AFF3: variants seen among roughly 807,000 people sequenced by gnomAD.
AFF3 encodes AF4/FMR2 family member 3.
In AFF3, 32 loss-of-function variants were observed where a neutral mutation model predicts 129.7. That is an observed-to-expected ratio of 0.25 (90% CI 0.19 to 0.33). The LOEUF (loss-of-function observed/expected upper bound fraction) is 0.33. Ranked by LOEUF, AFF3 falls within the 10% of genes least tolerant of loss-of-function variation. The probability of loss-of-function intolerance (pLI) is 1.00; values close to 1 mark genes in which losing one functional copy is unlikely to be tolerated. For synonymous variants in AFF3, 644 were observed against 635.4 expected (o/e 1.01, Z -0.20); for missense variants, 1,373 against 1,592.0 (o/e 0.86, Z 2.34).
At position 100,007,133 on chromosome 2, in the gene AFF3, T is replaced by C; in HGVS notation, c.487+15A>G. The C allele has an allele frequency of 1.9e-6, 3 of 1,612,654 alleles. No homozygotes were observed. The highest frequency in any genetic ancestry group is 2.5e-6 in the Non-Finnish European group (3 of 1,179,134). On this transcript the variant is annotated intron_variant, in intron 6 of 24. Transcript: ENST00000672756. ...GCAGATTTGTGCAAATCAAGCAACC[T>C]GTGCCTGTGCTTACTTGCTCTCTGT...
chr2:100,009,639 A>G (rs933262401), intron 4 of AFF3, among the ~76,000 whole-genome samples: 1 of 152,212 alleles, frequency 6.6e-6, no homozygotes, highest in Admixed American at 6.5e-5. Flanking sequence ...AAGAAAATTA[A>G]TATCTATTCT....
chr2:99,651,091 T>G lies in AFF3; in HGVS notation c.1144-1425A>C, dbSNP rs530530378. On this transcript the variant is annotated intron_variant, in intron 12 of 24. Coordinates refer to ENST00000672756, the MANE Select transcript of AFF3 (RefSeq NM_001386135.1). The stretch of plus-strand genomic sequence containing the variant: ...GGGAGGCCAAGGCAGGAGAATTGCT[T>G]GAACTTGGGGGGCGGAGGTTGCAGT... Among the ~76,000 whole-genome samples the G allele has an allele frequency of 2.7e-5, 4 of 150,886 alleles. No homozygotes were observed. The South Asian group carries it at 6.3e-4, about 24-fold the overall frequency.
At chr2:99,789,446 C>CAAAAAAA (rs34653301) in intron 8 of AFF3, among the ~76,000 whole-genome samples, 1 of 62,050 alleles carries the variant, frequency 1.6e-5, no homozygotes, top group Non-Finnish European at 2.8e-5. Flanking sequence ...GCCCTGTCAC[C>CAAAAAAA]AAAAAAAAAA....
Position 100,104,474 on chromosome 2 carries a change from G to A in AFF3, c.-20C>T, listed in dbSNP as rs1376418797. On this transcript the variant is annotated 5_prime_UTR_variant, in exon 4 of 25. Transcript: ENST00000672756. ...GTCCATGGTGGGAGGTGTCAGCGTC[G>A]CCGCCGCCGCTACCGCCGCCGCCGA... 2.3e-6 allele frequency: 3 copies of A among 1,298,244 alleles called. No individual in the cohort carries two copies. The highest frequency in any genetic ancestry group is 3.0e-6 in the Non-Finnish European group (3 of 998,200). 80.4% of individuals were successfully genotyped at this position (1,298,244 alleles called of 1,614,324 possible).
chr2:99,758,241 C>T (rs1246583271), intron 8 of AFF3, among the ~76,000 whole-genome samples: 3 of 152,196 alleles, frequency 2.0e-5, no homozygotes, highest in Non-Finnish European at 2.9e-5. Context: ...CTCCACACTG[C>T]TGCAAACTCA....
chr2:99,591,272 C>T (rs1194861421), intron 15 of AFF3, among the ~76,000 whole-genome samples: 1 of 152,004 alleles, frequency 6.6e-6, no homozygotes, highest in African/African-American at 2.4e-5. Context: ...CTGCAACCTC[C>T]GCCTCCCAGG....
intron 2 of AFF3, among the ~76,000 whole-genome samples, chr2:100,119,637 C>T (rs1691870724): frequency 1.3e-5 from 2 of 152,354 alleles, no homozygotes; most frequent in Middle Eastern, 6.8e-3. Context: ...AATGTGCACA[C>T]ATTCTCTCAT....
Position 100,067,874 on chromosome 2 carries a change from AC to A in AFF3, c.53+36527del, listed in dbSNP as rs1470162173. On this transcript the variant is annotated intron_variant, in intron 4 of 24. Transcript: ENST00000672756. ...AACTAAATAATGGCCCAGAAGACAT[AC>A]AAAAGTCAACACAAACAGAGTGCCA... Among the ~76,000 whole-genome samples, 10 of 152,350 alleles carry A rather than the reference AC, an allele frequency of 6.6e-5. No individual in the cohort carries two copies. In the East Asian group the frequency reaches 1.9e-3, roughly 29 times the overall value.
chr2:99,957,060 T>C (rs1676719052), intron 7 of AFF3, among the ~76,000 whole-genome samples: 1 of 152,192 alleles, frequency 6.6e-6, no homozygotes, highest in Non-Finnish European at 1.5e-5. Context: ...ATAACATACA[T>C]TCTGTTGCCT....
chr2:99,651,592 C>T (rs574062585), intron 12 of AFF3, among the ~76,000 whole-genome samples: 14 of 152,176 alleles, frequency 9.2e-5, no homozygotes, highest in Middle Eastern at 6.8e-3. Flanking sequence ...CAGGTGTATG[C>T]CACCACACCC....
At chr2:99,726,959 A>G in intron 11 of AFF3, 118 bp downstream of exon 11, 1 of 921,116 alleles carries the variant, frequency 1.1e-6, no homozygotes, top group Non-Finnish European at 1.6e-6. Context: ...TCATGAGAAA[A>G]GAGAACCATG....
intron 11 of AFF3, among the ~76,000 whole-genome samples, chr2:99,709,261 A>T (rs1677685493): frequency 6.6e-6 from 1 of 152,166 alleles, no homozygotes; most frequent in South Asian, 2.1e-4. Flanking sequence ...CTGGGTTCAA[A>T]CCCTAGCTCT....
intron 7 of AFF3, among the ~76,000 whole-genome samples, chr2:99,856,917 T>C (rs1261635449): frequency 3.9e-5 from 6 of 152,154 alleles, no homozygotes; most frequent in African/African-American, 1.2e-4. Flanking sequence ...ATGGGGCATA[T>C]AGGAGAGAAC....
chr2:99,943,083 C>T (rs1029260710), intron 7 of AFF3, among the ~76,000 whole-genome samples: 38 of 152,172 alleles, frequency 2.5e-4, no homozygotes, highest in African/African-American at 8.2e-4. Context: ...CGAAAGCTCA[C>T]TAAAACACCA....
chr2:99,835,981 A>G (rs1236548333), intron 8 of AFF3, among the ~76,000 whole-genome samples: 1 of 152,070 alleles, frequency 6.6e-6, no homozygotes, highest in Non-Finnish European at 1.5e-5. Flanking sequence ...TGATTGTGAC[A>G]CTCAGTTTTA....
intron 7 of AFF3, among the ~76,000 whole-genome samples, chr2:99,883,921 T>C (rs372380593): frequency 3.9e-5 from 6 of 152,352 alleles, no homozygotes; most frequent in African/African-American, 1.4e-4. Context: ...GCCTTGTTTA[T>C]TAAGCAGACA....
intron 10 of AFF3, among the ~76,000 whole-genome samples, chr2:99,737,521 T>G (rs1442665051): frequency 6.6e-6 from 1 of 152,172 alleles, no homozygotes; most frequent in Non-Finnish European, 1.5e-5. Context: ...CTTCTCTGTT[T>G]GCAGGCTCCC....
At chr2:99,883,118 C>G (rs1188000036) in intron 7 of AFF3, among the ~76,000 whole-genome samples, 1 of 152,120 alleles carries the variant, frequency 6.6e-6, no homozygotes, top group Admixed American at 6.5e-5. Context: ...TATTTGACCC[C>G]AGGCAGGAAA....
intron 11 of AFF3, among the ~76,000 whole-genome samples, chr2:99,700,274 C>T (rs1676721581): frequency 6.6e-6 from 1 of 152,224 alleles, no homozygotes; most frequent in South Asian, 2.1e-4. Context: ...GCGTGTGCCA[C>T]CATGCCCGGC....
Sources: allele counts gnomAD v4.1 joint callset (sites outside exome capture counted in the v4.1 genomes callset), GRCh38; gene constraint gnomAD v4.1.1; transcripts MANE v1.5; gene names NCBI Gene and HGNC (gene_info 2026-07-23, HGNC 2026-07-21).